PTGER3: variants seen among roughly 807,000 people sequenced by gnomAD.
PTGER3 encodes prostaglandin E2 receptor EP3 subtype.
A neutral mutation model predicts 34.7 loss-of-function variants in PTGER3; 22 were observed. That is an observed-to-expected ratio of 0.63 (90% CI 0.45 to 0.91). The LOEUF is 0.91. PTGER3 is among the 40% of genes least tolerant of loss of function. The pLI, the probability that PTGER3 is intolerant of heterozygous loss-of-function variation, is 0.00. For missense variants in PTGER3, 468 were observed against 519.4 expected, an observed-to-expected ratio of 0.90 and a Z score of 0.96; for synonymous variants, 241 against 230.1, an observed-to-expected ratio of 1.05 and a Z score of -0.43.
chr1:70,913,808 T>C (rs1025216930), intron 4 of PTGER3, among the ~76,000 whole-genome samples: 1 of 151,900 alleles, frequency 6.6e-6, no homozygotes, highest in South Asian at 2.1e-4. Context: ...ACAACCTTAT[T>C]TTTCTGGGAT....
At chr1:71,042,432 A>C (rs1285006857) in intron 1 of PTGER3, among the ~76,000 whole-genome samples, 2 of 151,990 alleles carry the variant, frequency 1.3e-5, no homozygotes, top group African/African-American at 4.8e-5. Flanking sequence ...ATAATTCTTT[A>C]AATATTTCAC....
chr1:71,026,045 C>T (rs1044081643), intron 1 of PTGER3, among the ~76,000 whole-genome samples: 2 of 152,274 alleles, frequency 1.3e-5, no homozygotes, highest in East Asian at 3.9e-4. Flanking sequence ...TCTGAGATAA[C>T]ACATCAGTAA....
intron 1 of PTGER3, among the ~76,000 whole-genome samples, chr1:71,015,487 T>C (rs1572936976): frequency 6.6e-6 from 1 of 152,342 alleles, no homozygotes; most frequent in East Asian, 1.9e-4. Context: ...CTATTCTTGT[T>C]GGCAAAATTG....
chr1:70,892,669 C>T (rs543361859), intron 4 of PTGER3, among the ~76,000 whole-genome samples: 9 of 151,678 alleles, frequency 5.9e-5, no homozygotes, highest in Non-Finnish European at 1.2e-4. Flanking sequence ...GGTGAAACCC[C>T]GTCTCTACTA....
At chr1:70,861,079 T>C (rs1645916787) in intron 4 of PTGER3, among the ~76,000 whole-genome samples, 1 of 152,026 alleles carries the variant, frequency 6.6e-6, no homozygotes, top group Admixed American at 6.6e-5. Flanking sequence ...TTCACAGAAG[T>C]GACAATTAAG....
intron 4 of PTGER3, among the ~76,000 whole-genome samples, chr1:70,910,670 T>A (rs541308497): frequency 6.6e-6 from 1 of 152,114 alleles, no homozygotes; most frequent in Non-Finnish European, 1.5e-5. Flanking sequence ...TAAAAAATTA[T>A]CTCAACCATC....
intron 4 of PTGER3, chr1:70,869,355 G>GCAT: frequency 2.2e-6 from 1 of 458,600 alleles, no homozygotes; most frequent in South Asian, 1.6e-5. Flanking sequence ...TGAGATTTGG[G>GCAT]CATGGACAAA....
At chr1:71,039,534 C>T (rs1212317363) in intron 1 of PTGER3, among the ~76,000 whole-genome samples, 6 of 150,522 alleles carry the variant, frequency 4.0e-5, no homozygotes, top group Non-Finnish European at 8.8e-5. Flanking sequence ...CCTGTAGTCC[C>T]AGCTACTCGG....
chr1:70,986,620 C>T (rs183132287), intron 2 of PTGER3, among the ~76,000 whole-genome samples: 59 of 152,270 alleles, frequency 3.9e-4, no homozygotes, highest in Non-Finnish European at 6.3e-4. Context: ...GTCTAGCAAC[C>T]AGGCAAGACA....
intron 4 of PTGER3, among the ~76,000 whole-genome samples, chr1:70,915,947 G>C (rs549546232): frequency 1.3e-5 from 2 of 151,826 alleles, no homozygotes; most frequent in Non-Finnish European, 2.9e-5. Flanking sequence ...TGAGTAAACA[G>C]ACAACTAGAA....
intron 2 of PTGER3, among the ~76,000 whole-genome samples, chr1:70,989,630 A>G (rs1655248003): frequency 6.6e-6 from 1 of 152,184 alleles, no homozygotes; most frequent in Non-Finnish European, 1.5e-5. Flanking sequence ...TTGGACTGAG[A>G]CTGAAAATAA....
chr1:71,006,949 C>A (rs972346589), intron 2 of PTGER3: 1 of 985,384 alleles, frequency 1.0e-6, no homozygotes, highest in Middle Eastern at 5.2e-4. Context: ...GACTTGAATG[C>A]CAGCAAAAGT....
At chr1:70,989,842 G>A (rs1236650047) in intron 2 of PTGER3, among the ~76,000 whole-genome samples, 1 of 151,988 alleles carries the variant, frequency 6.6e-6, no homozygotes, top group African/African-American at 2.4e-5. Context: ...AAATATTGAA[G>A]TGCCTTCTGA....
chr1:70,883,646 A>G (rs1280525761), intron 4 of PTGER3, among the ~76,000 whole-genome samples: 1 of 152,230 alleles, frequency 6.6e-6, no homozygotes, highest in African/African-American at 2.4e-5. Flanking sequence ...TAAAACGTCC[A>G]ATTTTCTTAA....
At chr1:70,870,434 A>G (rs911502951) in intron 4 of PTGER3, among the ~76,000 whole-genome samples, 3 of 152,162 alleles carry the variant, frequency 2.0e-5, no homozygotes, top group African/African-American at 4.8e-5. Context: ...CCTTTTATTT[A>G]TGCAAATTTC....
At chr1:70,902,026 T>C (rs1646850919) in intron 4 of PTGER3, among the ~76,000 whole-genome samples, 2 of 152,132 alleles carry the variant, frequency 1.3e-5, no homozygotes, top group African/African-American at 4.8e-5. Context: ...ATATCCGAAA[T>C]ATCAGTTATT....
intron 2 of PTGER3, among the ~76,000 whole-genome samples, chr1:70,975,040 C>CA (rs1653544904): frequency 6.6e-6 from 1 of 152,164 alleles, no homozygotes; most frequent in Admixed American, 6.5e-5. Context: ...TTCACTAGGA[C>CA]TGGTGCCTCA....
intron 4 of PTGER3, among the ~76,000 whole-genome samples, chr1:70,922,233 G>T (rs1460458553): frequency 6.6e-6 from 1 of 150,882 alleles, no homozygotes; most frequent in Admixed American, 6.6e-5. Flanking sequence ...TAAAGAAAGA[G>T]ATTTTATATA....
chr1:70,954,964 T>C (rs1050613413), intron 2 of PTGER3, among the ~76,000 whole-genome samples: 4 of 152,114 alleles, frequency 2.6e-5, no homozygotes, highest in Admixed American at 6.5e-5. Flanking sequence ...TCTACCTATA[T>C]GAAAAAAGAG....
Sources: allele counts gnomAD v4.1 joint callset (sites outside exome capture counted in the v4.1 genomes callset), GRCh38; gene constraint gnomAD v4.1.1; transcripts MANE v1.5; gene names NCBI Gene and HGNC (gene_info 2026-07-23, HGNC 2026-07-21).